EBF3: variants seen among roughly 807,000 people sequenced by gnomAD.
EBF3 encodes transcription factor COE3.
EBF3 carries 18 observed loss-of-function variants against 77.1 expected under a neutral mutation model. The ratio of observed to expected loss-of-function variants is 0.23; its 90% CI spans 0.16 to 0.35. The LOEUF (loss-of-function observed/expected upper bound fraction) is 0.35, where lower values mean the gene tolerates loss of function less well. Ranked by LOEUF, EBF3 falls within the 10% of genes least tolerant of loss-of-function variation. The probability of loss-of-function intolerance (pLI) is 1.00; values close to 1 mark genes in which losing one functional copy is unlikely to be tolerated. For synonymous variants in EBF3, 350 were observed against 343.5 expected (o/e 1.02, Z -0.21); for missense variants, 558 against 860.0 (o/e 0.65, Z 4.39).
rs1268359671 is a variant in EBF3 at position 129,878,682 on chromosome 10, AAG to A, written c.555-835_555-834del. ...GTCTCAAAAAAAAAAAAAAAAAAAAAAGAGTTACAGTAGGTACAGCTCTTAAA... is the reference window on the plus strand; with the variant it reads ...GTCTCAAAAAAAAAAAAAAAAAAAAAAGTTACAGTAGGTACAGCTCTTAAA... On this transcript the variant is annotated intron_variant, in intron 6 of 16. Transcript: ENST00000440978. 2.7e-5 allele frequency among the ~76,000 whole-genome samples: 4 copies of A among 150,496 alleles called. No homozygotes were observed. The East Asian group carries it at 5.8e-4, about 22-fold the overall frequency.
chr10:129,930,883 A>C (rs1329818885), intron 6 of EBF3, among the ~76,000 whole-genome samples: 1 of 146,852 alleles, frequency 6.8e-6, no homozygotes, highest in Non-Finnish European at 1.5e-5. Context: ...CCTCTCATAT[A>C]CCTATATCTG....
chr10:129,954,420 C>T (rs535539649), intron 6 of EBF3, among the ~76,000 whole-genome samples: 24 of 150,012 alleles, frequency 1.6e-4, no homozygotes, highest in South Asian at 8.7e-4. Flanking sequence ...CTTCCCCCCC[C>T]CCTTTTTTTT....
In EBF3 at chr10:129,897,878, C is replaced by T. The variant is rs929400736; in HGVS notation, c.555-20029G>A. Among the ~76,000 whole-genome samples the T allele has an allele frequency of 6.6e-6, 1 of 152,204 alleles. No individual in the cohort carries two copies. Among genetic ancestry groups the T allele is most frequent in the African/African-American group, 2.4e-5 (1 of 41,446 alleles). On this transcript the variant is annotated intron_variant, in intron 6 of 16. Transcript: ENST00000440978. The surrounding 1 kb of genome is among the most constrained non-coding windows in gnomAD (Gnocchi z 4.6). ...GAACTTTGTTGGGGTTTTGTTCCAG[C>T]ATCCTCCAAATGCTGCAATTTCTGC...
At chr10:129,867,689 T>C in intron 9 of EBF3, 93 bp downstream of exon 9, 3 of 1,564,182 alleles carry the variant, frequency 1.9e-6, no homozygotes, top group Non-Finnish European at 2.6e-6. Flanking sequence ...GAATTTGCCA[T>C]AGGGCACCTT....
At chr10:129,919,202 G>T (rs1358136992) in intron 6 of EBF3, among the ~76,000 whole-genome samples, 4 of 152,212 alleles carry the variant, frequency 2.6e-5, no homozygotes, top group Non-Finnish European at 5.9e-5. Flanking sequence ...CACATGGGCA[G>T]CAGGGTCTCT....
intron 6 of EBF3, among the ~76,000 whole-genome samples, chr10:129,948,177 G>C (rs1858373142): frequency 7.1e-6 from 1 of 141,050 alleles, no homozygotes; most frequent in South Asian, 2.3e-4. Flanking sequence ...AGAATCACTT[G>C]AACCTGGGAG....
At chr10:129,846,190 G>A (rs570340964) in intron 11 of EBF3, among the ~76,000 whole-genome samples, 1 of 150,400 alleles carries the variant, frequency 6.6e-6, no homozygotes, top group East Asian at 2.0e-4. Flanking sequence ...GATAAAATGG[G>A]TCATTTTTGA....
chr10:129,878,983 T>A (rs1853007908), intron 6 of EBF3, among the ~76,000 whole-genome samples: 1 of 152,152 alleles, frequency 6.6e-6, no homozygotes, highest in South Asian at 2.1e-4. Flanking sequence ...GCTATTTCCA[T>A]TTCCCGCCAT....
chr10:129,939,993 CCTCT>C (rs1285760649), intron 6 of EBF3, among the ~76,000 whole-genome samples: 1 of 152,250 alleles, frequency 6.6e-6, no homozygotes, highest in Non-Finnish European at 1.5e-5. Context: ...GGCAGCTTCC[CCTCT>C]GACGGGGATG....
intron 11 of EBF3, among the ~76,000 whole-genome samples, chr10:129,847,324 T>C (rs1467301062): frequency 6.6e-6 from 1 of 152,144 alleles, no homozygotes; most frequent in East Asian, 1.9e-4. Context: ...CAAAGCCCTC[T>C]GGGTAAGGAT....
rs544150695 is a variant in EBF3, at chr10:129,924,398, G to C, written c.554+32860C>G. Among the ~76,000 whole-genome samples, 15 of 146,210 alleles carry C rather than the reference G, an allele frequency of 1.0e-4. No homozygotes were observed. In the South Asian group the frequency reaches 3.0e-3, roughly 29 times the overall value. On this transcript the variant is annotated intron_variant, in intron 6 of 16. Transcript: ENST00000440978. ...CCACTTCACTCCAGCCTGGGCAACA[G>C]AGTGAGACTCCGTCTCAAACAACAA...
At chr10:129,921,193 C>T (rs1207183162) in intron 6 of EBF3, among the ~76,000 whole-genome samples, 1 of 151,140 alleles carries the variant, frequency 6.6e-6, no homozygotes, top group Non-Finnish European at 1.5e-5. Context: ...GAAGAATGTG[C>T]TGGATCGCAG....
chr10:129,958,817 C>A, intron 5 of EBF3, 117 bp downstream of exon 5: 19 of 1,355,344 alleles, frequency 1.4e-5, no homozygotes, highest in Non-Finnish European at 1.8e-5. Flanking sequence ...GATTACATTT[C>A]AATCGATGCC....
At chr10:129,927,787 G>C (rs1460657755) in intron 6 of EBF3, among the ~76,000 whole-genome samples, 1 of 152,160 alleles carries the variant, frequency 6.6e-6, no homozygotes, top group African/African-American at 2.4e-5. Flanking sequence ...TCAGTTATTT[G>C]AGGAGAGTCT....
intron 8 of EBF3, among the ~76,000 whole-genome samples, chr10:129,872,797 C>T (rs1036483381): frequency 1.3e-5 from 2 of 152,198 alleles, no homozygotes; most frequent in African/African-American, 2.4e-5. Flanking sequence ...AGGGGCTCGG[C>T]GCAAGGCCCA....
intron 6 of EBF3, among the ~76,000 whole-genome samples, chr10:129,892,953 C>T (rs1310005893): frequency 1.3e-5 from 2 of 152,256 alleles, no homozygotes; most frequent in East Asian, 1.9e-4. Flanking sequence ...TTCCCATGCT[C>T]GTCATGAAGT....
chr10:129,928,163 G>GACAGACGTGTGA (rs1433897209), intron 6 of EBF3, among the ~76,000 whole-genome samples: 1 of 152,182 alleles, frequency 6.6e-6, no homozygotes, highest in African/African-American at 2.4e-5. Flanking sequence ...GCAGAAACCT[G>GACAGACGTGTGA]ACAGACGTGT....
intron 6 of EBF3, among the ~76,000 whole-genome samples, chr10:129,912,120 T>C (rs1855566358): frequency 6.6e-6 from 1 of 152,028 alleles, no homozygotes; most frequent in South Asian, 2.1e-4. Flanking sequence ...GTACAAAAGT[T>C]GGGGGAGGTC....
At chr10:129,955,260 G>A (rs1362431058) in intron 6 of EBF3, among the ~76,000 whole-genome samples, 5 of 152,038 alleles carry the variant, frequency 3.3e-5, no homozygotes, top group African/African-American at 7.2e-5. Context: ...TAAAATAGAC[G>A]GTGATTAAAA....
Sources: allele counts gnomAD v4.1 joint callset (sites outside exome capture counted in the v4.1 genomes callset), GRCh38; gene constraint gnomAD v4.1.1; non-coding constraint Gnocchi (gnomAD v3.1); transcripts MANE v1.5; gene names NCBI Gene and HGNC (gene_info 2026-07-23, HGNC 2026-07-21).